Variants in TMEM163 observed in about 807,000 individuals in gnomAD.
TMEM163 encodes the protein transmembrane protein 163.
A neutral mutation model predicts 29.3 loss-of-function variants in TMEM163; 17 were observed. The ratio of observed to expected loss-of-function variants is 0.58; its 90% confidence interval spans 0.40 to 0.87. The LOEUF is 0.87. Ranked by LOEUF, TMEM163 falls within the 40% of genes least tolerant of loss-of-function variation. The probability of loss-of-function intolerance (pLI) is 0.00; values close to 1 mark genes in which losing one functional copy is unlikely to be tolerated. For missense variants in TMEM163, 303 were observed against 381.5 expected (o/e 0.79, Z 1.71); for synonymous variants, 157 against 160.6 (o/e 0.98, Z 0.17).
intron 5 of TMEM163, among the ~76,000 whole-genome samples, chr2:134,473,050 C>T (rs1686838649): frequency 6.6e-6 from 1 of 152,050 alleles, no homozygotes; most frequent in African/African-American, 2.4e-5. Flanking sequence ...AGTAGAACAA[C>T]AGTATACTGA....
At chr2:134,628,651 C>T (rs1290795862) in intron 2 of TMEM163, among the ~76,000 whole-genome samples, 2 of 152,244 alleles carry the variant, frequency 1.3e-5, no homozygotes, top group Non-Finnish European at 2.9e-5. Flanking sequence ...TGTCACACAT[C>T]ATTGCTGGGA....
At chr2:134,695,460 C>T (rs924603977) in intron 2 of TMEM163, among the ~76,000 whole-genome samples, 15 of 151,604 alleles carry the variant, frequency 9.9e-5, no homozygotes, top group African/African-American at 2.9e-4. Flanking sequence ...AAAGAGCCAA[C>T]ATACACATAC....
At chr2:134,696,609 T>C (rs1294394800) in intron 2 of TMEM163, among the ~76,000 whole-genome samples, 3 of 152,220 alleles carry the variant, frequency 2.0e-5, no homozygotes, top group Admixed American at 2.0e-4. Flanking sequence ...ATTATACCTA[T>C]ATTAGATTTA....
At chr2:134,688,566 T>C (rs973445133) in intron 2 of TMEM163, among the ~76,000 whole-genome samples, 1 of 152,190 alleles carries the variant, frequency 6.6e-6, no homozygotes, top group Non-Finnish European at 1.5e-5. Context: ...ATATATTACT[T>C]GGAGTTTGGA....
At chr2:134,641,608 A>C (rs1212973725) in intron 2 of TMEM163, among the ~76,000 whole-genome samples, 2 of 152,200 alleles carry the variant, frequency 1.3e-5, no homozygotes, top group Non-Finnish European at 2.9e-5. Context: ...ACAAAGACAT[A>C]GTCAAAAGCA....
intron 2 of TMEM163, among the ~76,000 whole-genome samples, chr2:134,712,317 T>C (rs1684943118): frequency 6.6e-6 from 1 of 152,216 alleles, no homozygotes; most frequent in Non-Finnish European, 1.5e-5. Context: ...CACACACACA[T>C]AGCTTGTCTT....
intron 2 of TMEM163, among the ~76,000 whole-genome samples, chr2:134,708,164 G>C (rs955747203): frequency 1.3e-5 from 2 of 152,158 alleles, no homozygotes; most frequent in Non-Finnish European, 2.9e-5. Context: ...TGGGATTATA[G>C]GCATGAGCCA....
At chr2:134,591,921 A>C (rs1458681583) in intron 2 of TMEM163, among the ~76,000 whole-genome samples, 1 of 151,822 alleles carries the variant, frequency 6.6e-6, no homozygotes, top group Non-Finnish European at 1.5e-5. Flanking sequence ...AAAAAAAAAA[A>C]AACAACCTGT....
chr2:134,581,621 C>T lies in TMEM163; in HGVS notation c.323-29530G>A, dbSNP rs146169139. Among the ~76,000 whole-genome samples the T allele has an allele frequency of 8.6e-3, 1,239 of 143,254 alleles. 19 individuals are homozygous for T. The highest frequency in any genetic ancestry group is 0.028 in the African/African-American group (1,110 of 39,998). The allele number at this position is 143,254 out of a possible 152,430, so 94.0% of individuals were successfully genotyped here. A position where few individuals can be genotyped will look rare whatever the true frequency, so the allele number is the denominator to read the frequency against. On this transcript the variant is annotated intron_variant, in intron 2 of 7. Coordinates refer to ENST00000281924, the MANE Select transcript of TMEM163 (RefSeq NM_030923.5). ...ACAGGAGCTGGGAACATTCTTCATG[C>T]TCTTTATGGGGGCGGGGGGGAGATG...
chr2:134,625,344 G>A (rs13432068), intron 2 of TMEM163, among the ~76,000 whole-genome samples: 99,710 of 152,138 alleles, frequency 0.66, 34,188 homozygotes, highest in African/African-American at 0.82. Flanking sequence ...AAAAGAGTAT[G>A]TCCCCTAACC....
At chr2:134,650,789 C>T (rs1331960191) in intron 2 of TMEM163, among the ~76,000 whole-genome samples, 6 of 133,738 alleles carry the variant, frequency 4.5e-5, no homozygotes, top group Admixed American at 2.2e-4. Flanking sequence ...TGAGAATATG[C>T]GGTGTTTGGT....
chr2:134,484,533 G>A (rs182991484), intron 5 of TMEM163, among the ~76,000 whole-genome samples: 2 of 152,078 alleles, frequency 1.3e-5, no homozygotes, highest in Admixed American at 6.6e-5. Flanking sequence ...AATTAGCCAG[G>A]CGTGGTGGCA....
At chr2:134,685,539 A>G (rs1160865547) in intron 2 of TMEM163, among the ~76,000 whole-genome samples, 1 of 152,244 alleles carries the variant, frequency 6.6e-6, no homozygotes, top group Non-Finnish European at 1.5e-5. Flanking sequence ...ATTTAGCATA[A>G]TGTTACTATT....
intron 6 of TMEM163, among the ~76,000 whole-genome samples, chr2:134,462,765 T>C (rs1686574990): frequency 6.6e-6 from 1 of 152,146 alleles, no homozygotes; most frequent in African/African-American, 2.4e-5. Context: ...AGATCGTGTA[T>C]CTGGAATATC....
intron 2 of TMEM163, among the ~76,000 whole-genome samples, chr2:134,680,822 T>C (rs937380287): frequency 2.6e-5 from 4 of 152,152 alleles, no homozygotes; most frequent in African/African-American, 4.8e-5. Flanking sequence ...TCGCCACGTG[T>C]CAGCTGTGAT....
At chr2:134,470,959 G>T (rs1467762504) in intron 5 of TMEM163, among the ~76,000 whole-genome samples, 1 of 152,188 alleles carries the variant, frequency 6.6e-6, no homozygotes, top group African/African-American at 2.4e-5. Flanking sequence ...AACACTTGAA[G>T]CCAAGAGTTC....
At chr2:134,541,238 C>T (rs183614502) in intron 4 of TMEM163, among the ~76,000 whole-genome samples, 1 of 152,348 alleles carries the variant, frequency 6.6e-6, no homozygotes, top group Admixed American at 6.5e-5. Context: ...AATGCAAATG[C>T]TCCCAAAGCA....
intron 5 of TMEM163, among the ~76,000 whole-genome samples, chr2:134,497,059 C>T (rs1002872316): frequency 1.5e-4 from 23 of 152,160 alleles, no homozygotes; most frequent in Admixed American, 1.4e-3. Flanking sequence ...TCCCCACATA[C>T]CTCCCCCTAC....
chr2:134,704,143 A>G (rs73958794), intron 2 of TMEM163, among the ~76,000 whole-genome samples: 6,995 of 152,114 alleles, frequency 0.046, 524 homozygotes, highest in African/African-American at 0.16. Flanking sequence ...GTTCTTCTGC[A>G]CCTGCTTCTT....
Sources: allele counts gnomAD v4.1 joint callset (sites outside exome capture counted in the v4.1 genomes callset), GRCh38; gene constraint gnomAD v4.1.1; transcripts MANE v1.5; gene names NCBI Gene and HGNC (gene_info 2026-07-23, HGNC 2026-07-21).